Variants in ABR observed in about 807,000 individuals in gnomAD.
The protein encoded by ABR is active breakpoint cluster region-related protein.
A neutral mutation model predicts 107.2 loss-of-function variants in ABR; 35 were observed. The observed-to-expected ratio is 0.33, with a 90% CI of 0.25 to 0.43. The LOEUF (loss-of-function observed/expected upper bound fraction) is 0.43. Ranked by LOEUF, ABR falls within the 20% of genes least tolerant of loss-of-function variation. The pLI is 1.00. For missense variants in ABR, 815 were observed against 1,115.2 expected (o/e 0.73, Z 3.83); for synonymous variants, 498 against 462.0 (o/e 1.08, Z -1.00).
upstream of ABR, among the ~76,000 whole-genome samples, chr17:1,181,446 C>T (rs535740250): frequency 1.1e-4 from 16 of 152,240 alleles, no homozygotes; most frequent in African/African-American, 3.9e-4. Flanking sequence ...TCCCTGCGTC[C>T]CCAGGGCTCC....
chr17:1,062,646 G>T (rs1383436457), intron 10 of ABR, among the ~76,000 whole-genome samples: 2 of 144,694 alleles, frequency 1.4e-5, no homozygotes, highest in African/African-American at 2.5e-5. Context: ...GGCTATGCAT[G>T]TTCCTCTAGA....
intron 2 of ABR, among the ~76,000 whole-genome samples, chr17:1,112,890 G>C (rs968498463): frequency 6.6e-5 from 10 of 150,704 alleles, no homozygotes; most frequent in African/African-American, 2.4e-4. Context: ...GCAAGCATTT[G>C]TTAACGCCTG....
rs568511481 is a variant in ABR at position 1,030,842 on chromosome 17, C to T, written c.1792-17678G>A. On this transcript the variant is annotated intron_variant, in intron 16 of 22. Coordinates refer to ENST00000302538, the MANE Select transcript of ABR (RefSeq NM_021962.5). ...GACTGGCACTCTGAGACAGCTAACT[C>T]GGACAGTTGATTTGATCTGCAGAGT... 1.4e-4 allele frequency among the ~76,000 whole-genome samples: 21 copies of T among 152,354 alleles called. 1 individual carries two copies. The South Asian group carries it at 3.9e-3, about 29-fold the overall frequency.
chr17:1,183,099 A>G (rs188468862), upstream of ABR, among the ~76,000 whole-genome samples: 8 of 152,250 alleles, frequency 5.3e-5, no homozygotes, highest in Admixed American at 2.0e-4. Context: ...GCTACCCTGA[A>G]GTGCTCTAAC....
intron 1 of ABR, among the ~76,000 whole-genome samples, chr17:1,196,251 G>A (rs1347518019): frequency 2.0e-5 from 3 of 151,652 alleles, no homozygotes; most frequent in Admixed American, 6.6e-5. Context: ...CCAACATGGC[G>A]AAACCCTCTT....
chr17:1,174,900 C>T (rs192722614), intron 1 of ABR, among the ~76,000 whole-genome samples: 23 of 152,224 alleles, frequency 1.5e-4, no homozygotes, highest in Admixed American at 3.9e-4. Flanking sequence ...CTGGGGCACA[C>T]GTATGTCTTG....
At position 1,118,135 on chromosome 17, in the gene ABR, C is replaced by T. The variant is rs1422054302; in HGVS notation, c.246+7048G>A. ...AGCGTTATCCCTGAGCCTGAGTTCC[C>T]CCCAGCGTTATCCCTGAGCCTGAGT... On this transcript the variant is annotated intron_variant, in intron 2 of 22. Transcript: ENST00000302538. Among the ~76,000 whole-genome samples the T allele has an allele frequency of 4.6e-3, 134 of 29,318 alleles. 2 individuals are homozygous for T. Among genetic ancestry groups the T allele is most frequent in the East Asian group, 9.7e-3 (10 of 1,034 alleles). 19.2% of individuals were successfully genotyped at this position (29,318 alleles called of 152,430 possible). A position where few individuals can be genotyped will look rare whatever the true frequency, so the allele number is the denominator to read the frequency against.
chr17:1,125,906 G>T (rs1187366839), intron 1 of ABR, among the ~76,000 whole-genome samples: 1 of 152,190 alleles, frequency 6.6e-6, no homozygotes, highest in Non-Finnish European at 1.5e-5. Flanking sequence ...ACAAGGCCCC[G>T]CACGGAGGAC....
chr17:1,168,116 G>A (rs950300016), intron 1 of ABR, among the ~76,000 whole-genome samples: 22 of 151,890 alleles, frequency 1.4e-4, no homozygotes, highest in African/African-American at 3.9e-4. Flanking sequence ...GAGAAATCCC[G>A]TCTCTACTAA....
At chr17:1,203,717 G>C (rs2042732247) in intron 1 of ABR, among the ~76,000 whole-genome samples, 1 of 152,182 alleles carries the variant, frequency 6.6e-6, no homozygotes, top group South Asian at 2.1e-4. Context: ...TCGTGTCCGT[G>C]ACTCGCGCAG....
intron 3 of ABR, among the ~76,000 whole-genome samples, chr17:1,094,187 G>A (rs1800708431): frequency 1.3e-5 from 2 of 152,116 alleles, no homozygotes; most frequent in Admixed American, 6.5e-5. Context: ...CAAGCGCATG[G>A]GGTTCCACCT....
At chr17:1,049,523 A>G (rs550088148) in intron 16 of ABR, among the ~76,000 whole-genome samples, 1 of 152,260 alleles carries the variant, frequency 6.6e-6, no homozygotes, top group East Asian at 1.9e-4. Flanking sequence ...TCCCCACCCG[A>G]AGCCACAGAC....
intron 2 of ABR, among the ~76,000 whole-genome samples, chr17:1,120,506 T>C (rs2039299998): frequency 6.6e-6 from 1 of 152,226 alleles, no homozygotes; most frequent in African/African-American, 2.4e-5. Context: ...CTTGAACTAC[T>C]GATCTCAGGT....
chr17:1,113,838 A>C (rs931944835), intron 2 of ABR, among the ~76,000 whole-genome samples: 1 of 152,200 alleles, frequency 6.6e-6, no homozygotes, highest in South Asian at 2.1e-4. Context: ...TCTAAGAGTT[A>C]GTTATACATT....
At chr17:1,049,615 T>C (rs1161303097) in intron 16 of ABR, among the ~76,000 whole-genome samples, 5 of 150,846 alleles carry the variant, frequency 3.3e-5, no homozygotes, top group African/African-American at 1.2e-4. Context: ...AGCAGGACCC[T>C]AAGTCTTTCG....
intron 1 of ABR, among the ~76,000 whole-genome samples, chr17:1,193,161 A>G (rs1165215100): frequency 6.6e-6 from 1 of 152,224 alleles, no homozygotes; most frequent in Non-Finnish European, 1.5e-5. Context: ...GGGGGCGAAT[A>G]TAGAAACTGC....
chr17:1,060,226 C>T (rs771959559), intron 10 of ABR, among the ~76,000 whole-genome samples: 9 of 152,044 alleles, frequency 5.9e-5, no homozygotes, highest in Admixed American at 2.0e-4. Context: ...CCCTGGCCAA[C>T]GTGGTGAAAC....
intron 9 of ABR, 102 bp from the exon 10 acceptor site, chr17:1,067,344 A>G: frequency 8.8e-7 from 1 of 1,141,064 alleles, no homozygotes; most frequent in African/African-American, 1.6e-5. Flanking sequence ...GGGTTGACTG[A>G]GAACTCGCCA....
intron 13 of ABR, 59 bp from the exon 14 acceptor site, chr17:1,056,168 C>T (rs2033247887): frequency 1.4e-6 from 2 of 1,474,186 alleles, no homozygotes; most frequent in Non-Finnish European, 1.9e-6. Flanking sequence ...TCAGCCTCCA[C>T]CCCAGGCCGG....
Sources: allele counts gnomAD v4.1 joint callset (sites outside exome capture counted in the v4.1 genomes callset), GRCh38; gene constraint gnomAD v4.1.1; transcripts MANE v1.5; gene names NCBI Gene and HGNC (gene_info 2026-07-23, HGNC 2026-07-21).